The following ZSWIM5 variants were observed in gnomAD, a reference collection of about 807,000 sequenced individuals.
The protein encoded by ZSWIM5 is zinc finger SWIM domain-containing protein 5.
Under a neutral mutation model 119.6 loss-of-function variants are expected in ZSWIM5, and 55 were observed. The observed-to-expected ratio is 0.46, with a 90% CI of 0.37 to 0.58. The LOEUF (loss-of-function observed/expected upper bound fraction) is 0.58, where lower values mean the gene tolerates loss of function less well. Ranked by LOEUF, ZSWIM5 falls within the 20% of genes least tolerant of loss-of-function variation. ZSWIM5 has a pLI of 0.00. For missense variants in ZSWIM5, 1,193 were observed against 1,512.8 expected (o/e 0.79, Z 3.51); for synonymous variants, 537 against 606.9 (o/e 0.88, Z 1.69).
At chr1:45,055,028 G>A (rs1427138509) in intron 4 of ZSWIM5, among the ~76,000 whole-genome samples, 8 of 152,010 alleles carry the variant, frequency 5.3e-5, no homozygotes, top group Non-Finnish European at 1.2e-4. Context: ...GTCTCATTGT[G>A]TCGCCTAGGC....
At chr1:45,066,929 G>A (rs946943687) in intron 2 of ZSWIM5, among the ~76,000 whole-genome samples, 1 of 152,186 alleles carries the variant, frequency 6.6e-6, no homozygotes, top group Non-Finnish European at 1.5e-5. Context: ...ATTGCATGTG[G>A]AATACACAAA....
Position 45,077,264 on chromosome 1 carries a change from G to A in ZSWIM5, c.952+10617C>T, listed in dbSNP as rs912749763. Reference sequence around the variant, plus strand: ...TTGGGGAACCTGCCCCAATAATCACGTAGGTTCTTTTCTATTTTCCTAAGC... The same window carrying A: ...TTGGGGAACCTGCCCCAATAATCACATAGGTTCTTTTCTATTTTCCTAAGC... On this transcript the variant is annotated intron_variant, in intron 2 of 13. Coordinates refer to ENST00000359600, the MANE Select transcript of ZSWIM5 (RefSeq NM_020883.2). Among the ~76,000 whole-genome samples, 9 of 152,260 alleles carry A rather than the reference G, an allele frequency of 5.9e-5. No individual in the cohort carries two copies. In the East Asian group the frequency reaches 1.5e-3, roughly 26 times the overall value.
At position 45,179,561 on chromosome 1, in the gene ZSWIM5, T is replaced by C. The variant is rs958694900; in HGVS notation, c.595+26195A>G. Among the ~76,000 whole-genome samples, 3 of 152,118 alleles carry C rather than the reference T, an allele frequency of 2.0e-5. No homozygotes were observed. In the South Asian group the frequency reaches 6.2e-4, roughly 32 times the overall value. On this transcript the variant is annotated intron_variant, in intron 1 of 13. Transcript: ENST00000359600. ...ACTTCAGCACCGTGAAATATTCCTT[T>C]GTAGCAAACCTGCACATGTGCCCCC... is the stretch of plus-strand genomic sequence containing the variant.
At chr1:45,131,789 G>A (rs1315574243) in intron 1 of ZSWIM5, among the ~76,000 whole-genome samples, 1 of 149,492 alleles carries the variant, frequency 6.7e-6, no homozygotes, top group Non-Finnish European at 1.5e-5. Flanking sequence ...GCTACTAAAA[G>A]GTAGTACTAT....
intron 1 of ZSWIM5, 88 bp downstream of exon 1, chr1:45,205,668 C>G (rs1214123869): frequency 7.5e-7 from 1 of 1,327,540 alleles, no homozygotes; most frequent in Non-Finnish European, 9.8e-7. Flanking sequence ...GGCAGAAGGC[C>G]GGGGTCTCGG....
chr1:45,112,276 C>G lies in ZSWIM5; in HGVS notation c.596-24039G>C, dbSNP rs184815995. Among the ~76,000 whole-genome samples, 341 of 152,236 alleles carry G rather than the reference C, an allele frequency of 2.2e-3. 1 individual carries two copies. Among genetic ancestry groups the G allele is most frequent in the Non-Finnish European group, 3.6e-3 (248 of 68,002 alleles). On this transcript the variant is annotated intron_variant, in intron 1 of 13. Coordinates refer to ENST00000359600, the MANE Select transcript of ZSWIM5 (RefSeq NM_020883.2). Reference sequence around the variant, plus strand: ...ACAGTATGTTGTTATGCTTCTTTTACCCAGCATAGTTATTTTGAGATTCAT... The same window carrying G: ...ACAGTATGTTGTTATGCTTCTTTTAGCCAGCATAGTTATTTTGAGATTCAT...
intron 1 of ZSWIM5, among the ~76,000 whole-genome samples, chr1:45,116,282 CAG>C (rs1418730968): frequency 1.3e-5 from 2 of 152,190 alleles, no homozygotes; most frequent in African/African-American, 4.8e-5. Flanking sequence ...TGCAATTCCC[CAG>C]ACTTTTCTCC....
intron 1 of ZSWIM5, among the ~76,000 whole-genome samples, chr1:45,114,369 G>GA (rs1344728324): frequency 6.6e-6 from 1 of 152,110 alleles, no homozygotes; most frequent in East Asian, 1.9e-4. Context: ...GTAAGACAAG[G>GA]AATGTATACC....
chr1:45,153,214 A>C (rs1438078427), intron 1 of ZSWIM5, among the ~76,000 whole-genome samples: 2 of 151,808 alleles, frequency 1.3e-5, no homozygotes, highest in Non-Finnish European at 2.9e-5. Flanking sequence ...AGCAGCTTGG[A>C]GATTTCTCAA....
intron 1 of ZSWIM5, among the ~76,000 whole-genome samples, chr1:45,195,366 T>C (rs778664147): frequency 6.6e-6 from 1 of 151,792 alleles, no homozygotes; most frequent in Non-Finnish European, 1.5e-5. Context: ...CACCCCCAAG[T>C]AGCTGGGACT....
intron 5 of ZSWIM5, among the ~76,000 whole-genome samples, chr1:45,047,156 G>C (rs1239445966): frequency 6.6e-6 from 1 of 152,086 alleles, no homozygotes; most frequent in Non-Finnish European, 1.5e-5. Flanking sequence ...AACCGAGAGA[G>C]AATGGTTTCT....
At chr1:45,190,064 A>T (rs1423695287) in intron 1 of ZSWIM5, among the ~76,000 whole-genome samples, 1 of 152,206 alleles carries the variant, frequency 6.6e-6, no homozygotes, top group Non-Finnish European at 1.5e-5. Context: ...CTGTAATCCC[A>T]GCACTATGGG....
intron 2 of ZSWIM5, among the ~76,000 whole-genome samples, chr1:45,080,059 T>C (rs1645280395): frequency 6.6e-6 from 1 of 152,122 alleles, no homozygotes; most frequent in African/African-American, 2.4e-5. Context: ...ACGGGGTCTC[T>C]TTTGGAGCCA....
chr1:45,157,758 T>A (rs1182718769), intron 1 of ZSWIM5, among the ~76,000 whole-genome samples: 1 of 152,246 alleles, frequency 6.6e-6, no homozygotes, highest in African/African-American at 2.4e-5. Flanking sequence ...TGGACCTTTT[T>A]CCAAAGTGGT....
chr1:45,152,773 G>C (rs1162812932), intron 1 of ZSWIM5, among the ~76,000 whole-genome samples: 1 of 152,012 alleles, frequency 6.6e-6, no homozygotes, highest in Non-Finnish European at 1.5e-5. Flanking sequence ...TTAAGCTAGA[G>C]GGCTTTTACA....
intron 1 of ZSWIM5, among the ~76,000 whole-genome samples, chr1:45,172,418 T>C (rs1645951237): frequency 6.6e-6 from 1 of 152,030 alleles, no homozygotes; most frequent in African/African-American, 2.4e-5. Flanking sequence ...ATATTCTTAG[T>C]GAAGTGAACT....
intron 1 of ZSWIM5, among the ~76,000 whole-genome samples, chr1:45,195,003 G>A (rs974211764): frequency 3.3e-5 from 5 of 152,046 alleles, no homozygotes; most frequent in African/African-American, 9.7e-5. Flanking sequence ...AATGTATCCT[G>A]TAGTCCCCAC....
At chr1:45,020,173 T>C (rs770484348) in intron 12 of ZSWIM5, 26 bp from the exon 13 acceptor site, 38 of 1,603,104 alleles carry the variant, frequency 2.4e-5, no homozygotes, top group Non-Finnish European at 3.2e-5. Flanking sequence ...GCCTTTCCAG[T>C]GGGCTATGCC....
chr1:45,054,779 G>C (rs1570034446), intron 4 of ZSWIM5, among the ~76,000 whole-genome samples: 1 of 152,204 alleles, frequency 6.6e-6, no homozygotes. Context: ...GGATCAACAG[G>C]TCTTGGTTTG....
Sources: gnomAD v4.1 joint callset for allele counts (sites outside exome capture counted in the v4.1 genomes callset) on GRCh38, gnomAD v4.1.1 for gene constraint, MANE v1.5 for transcripts, NCBI Gene and HGNC (gene_info 2026-07-23, HGNC 2026-07-21) for gene names.